Variants in PKHD1 observed in about 807,000 individuals in gnomAD.
The protein encoded by PKHD1 is fibrocystin.
PKHD1 carries 291 observed loss-of-function variants against 412.0 expected under a neutral mutation model. The observed-to-expected ratio is 0.71, with a 90% confidence interval of 0.64 to 0.78. PKHD1 has a LOEUF of 0.78. Ranked by LOEUF, PKHD1 falls within the 30% of genes least tolerant of loss-of-function variation. PKHD1 has a pLI of 0.00. For synonymous variants in PKHD1, 1,777 were observed against 1,821.5 expected (o/e 0.98, Z 0.62); for missense variants, 4,825 against 4,950.7 (o/e 0.97, Z 0.76).
chr6:51,700,461 C>G (rs1397745039), intron 60 of PKHD1, among the ~76,000 whole-genome samples: 1 of 151,940 alleles, frequency 6.6e-6, no homozygotes, highest in Non-Finnish European at 1.5e-5. Flanking sequence ...CTTATTAAGG[C>G]TCATTCTAGG....
In PKHD1 at chr6:51,959,995, C is replaced by G. The variant is rs1208103544; in HGVS notation, c.5783G>C (p.Trp1928Ser). 1 of 1,613,414 alleles carries G rather than the reference C, an allele frequency of 6.2e-7. No homozygotes were observed. The change falls in exon 36 of 67, where the codon TGG becomes TCG. Residue 1928 changes from tryptophan (W) to serine (S), a missense_variant. Transcript: ENST00000371117. ...AGGAAACCAGCTGTGAGTCCTGGAC[C>G]ATCTCCGGCAGAACTGTAAAGAAAA... ...GNFSLQFCRR[W>S]SRTHSWFPER...
At chr6:51,688,353 T>G (rs1777711837) in intron 60 of PKHD1, among the ~76,000 whole-genome samples, 1 of 152,054 alleles carries the variant, frequency 6.6e-6, no homozygotes, top group South Asian at 2.1e-4. Flanking sequence ...CTCTCAGGAC[T>G]TCAAAGTCAC....
intron 52 of PKHD1, among the ~76,000 whole-genome samples, chr6:51,805,142 T>C (rs1037356736): frequency 6.6e-5 from 10 of 152,140 alleles, no homozygotes; most frequent in African/African-American, 2.4e-4. Context: ...TGCCCATCAA[T>C]GGTGGATTGG....
At chr6:51,684,527 A>G (rs921101054) in intron 60 of PKHD1, among the ~76,000 whole-genome samples, 2 of 152,142 alleles carry the variant, frequency 1.3e-5, no homozygotes, top group Non-Finnish European at 2.9e-5. Flanking sequence ...TGTGACCTAC[A>G]CTACAGCTAC....
rs977377804 is a variant in PKHD1 at position 51,717,150 on chromosome 6, G to A, written c.10156+27235C>T. 5.3e-5 allele frequency among the ~76,000 whole-genome samples: 8 copies of A among 152,292 alleles called. No individual in the cohort carries two copies. In the East Asian group the frequency reaches 1.2e-3, roughly 22 times the overall value. On this transcript the variant is annotated intron_variant, in intron 60 of 66. Coordinates refer to ENST00000371117, the MANE Select transcript of PKHD1 (RefSeq NM_138694.4). The stretch of plus-strand genomic sequence containing the variant: ...TCAACAATGGACTCCAATGGCTCAC[G>A]CCTGTAATCCCAACATTTTGGGAGG...
chr6:51,874,506 T>A (rs935214802), intron 46 of PKHD1, among the ~76,000 whole-genome samples: 1 of 152,144 alleles, frequency 6.6e-6, no homozygotes, highest in Non-Finnish European at 1.5e-5. Flanking sequence ...AGGAAAAAAA[T>A]TCCTTCTGAT....
intron 60 of PKHD1, among the ~76,000 whole-genome samples, chr6:51,671,264 T>C (rs1182448126): frequency 1.3e-5 from 2 of 152,188 alleles, no homozygotes; most frequent in East Asian, 3.9e-4. Context: ...TTCTTTTTTC[T>C]CTAAACTTCC....
In PKHD1 at chr6:51,844,113, A is replaced by G. The variant is rs141968730; in HGVS notation, c.8107+3662T>C. ...CTTCTAGAGAAATAGTCTATCAGGA[A>G]AACGTTGGTGAAATAACATGGCACA... On this transcript the variant is annotated intron_variant, in intron 50 of 66. Coordinates refer to ENST00000371117, the MANE Select transcript of PKHD1 (RefSeq NM_138694.4). 1.3e-3 allele frequency among the ~76,000 whole-genome samples: 204 copies of G among 152,352 alleles called. 3 individuals carry two copies. The South Asian group carries it at 0.03, about 22-fold the overall frequency.
chr6:51,626,861 C>A (rs192505779), intron 66 of PKHD1, 136 bp downstream of exon 66: 13 of 864,166 alleles, frequency 1.5e-5, no homozygotes, highest in African/African-American at 1.3e-4. Flanking sequence ...GGTATAATTT[C>A]TTTGAAGGAA....
At chr6:52,054,525 C>T (rs1033302451) in intron 19 of PKHD1, among the ~76,000 whole-genome samples, 1 of 152,172 alleles carries the variant, frequency 6.6e-6, no homozygotes, top group African/African-American at 2.4e-5. Flanking sequence ...GAGCAAGTAA[C>T]TCAACCTCTC....
chr6:51,731,064 G>GT (rs1474039669), intron 60 of PKHD1, among the ~76,000 whole-genome samples: 3 of 152,044 alleles, frequency 2.0e-5, no homozygotes, highest in Admixed American at 2.0e-4. Context: ...GGTATTATAG[G>GT]TGTGCACCAC....
rs999346035 is a variant in PKHD1 at position 52,025,935 on chromosome 6, G to A, written c.3875C>T (p.Thr1292Ile). ...PSPSLVGKGF[T>I]FMYEAAATPV... Reference sequence around the variant, plus strand: ...TGTTGCTGCCGCTTCATACATGAAGGTGAAGCCTTTCCCCACCAAGCTTGG... The same window carrying A: ...TGTTGCTGCCGCTTCATACATGAAGATGAAGCCTTTCCCCACCAAGCTTGG... Residue 1292 changes from threonine (T) to isoleucine (I), a missense_variant, in exon 32 of 67, where the codon ACC becomes ATC. By Grantham distance (89) the Thr-to-Ile change is moderately conservative. Transcript: ENST00000371117. The A allele has an allele frequency of 1.2e-6, 2 of 1,614,012 alleles. No homozygotes were observed. The highest frequency in any genetic ancestry group is 1.3e-5 in the African/African-American group (1 of 74,910).
intron 60 of PKHD1, among the ~76,000 whole-genome samples, chr6:51,712,239 C>T (rs548701360): frequency 1.2e-4 from 19 of 152,074 alleles, no homozygotes; most frequent in Non-Finnish European, 2.5e-4. Context: ...CACACTGAAC[C>T]GTAACCACAT....
At chr6:51,707,699 A>G (rs1780176640) in intron 60 of PKHD1, among the ~76,000 whole-genome samples, 1 of 152,026 alleles carries the variant, frequency 6.6e-6, no homozygotes, top group Non-Finnish European at 1.5e-5. Flanking sequence ...CAGCCATGCC[A>G]CTTCTCTGAA....
intron 60 of PKHD1, among the ~76,000 whole-genome samples, chr6:51,719,746 G>A (rs749733738): frequency 1.4e-4 from 21 of 152,114 alleles, no homozygotes; most frequent in Non-Finnish European, 2.2e-4. Context: ...AAATGGCACT[G>A]CTTTCTAATA....
intron 48 of PKHD1, among the ~76,000 whole-genome samples, chr6:51,857,298 C>T (rs1280161148): frequency 3.9e-5 from 6 of 151,970 alleles, no homozygotes; most frequent in Non-Finnish European, 7.4e-5. Flanking sequence ...GGCATTTTGC[C>T]GCAGGCAGAT....
rs768329869 is a variant in PKHD1 at position 51,934,288 on chromosome 6, G to A, written c.5943C>T (p.Ile1981=). 14 of 1,612,794 alleles carry A rather than the reference G, an allele frequency of 8.7e-6. No individual in the cohort carries two copies. Among genetic ancestry groups the A allele is most frequent in the Non-Finnish European group, 8.5e-6 (10 of 1,179,788 alleles). ...GKLIFMAPGP[I]ELRAHAILVS... is the part of the protein sequence containing the mutation. The stretch of plus-strand genomic sequence containing the variant: ...CAAGGATGGCGTGTGCCCTGAGCTC[G>A]ATGGGTCCTGGGGCCATGAAAATCA... Residue 1981 remains isoleucine, a synonymous_variant, in exon 37 of 67, where the codon ATC becomes ATT. Coordinates refer to ENST00000371117, the MANE Select transcript of PKHD1 (RefSeq NM_138694.4).
At chr6:51,942,984 G>A (rs1483181462) in intron 36 of PKHD1, among the ~76,000 whole-genome samples, 2 of 151,432 alleles carry the variant, frequency 1.3e-5, no homozygotes, top group African/African-American at 4.8e-5. Flanking sequence ...ATACCTCTTG[G>A]TCTAGGTAGA....
chr6:51,821,940 G>A (rs1465054375), intron 52 of PKHD1, among the ~76,000 whole-genome samples: 1 of 152,204 alleles, frequency 6.6e-6, no homozygotes, highest in Non-Finnish European at 1.5e-5. Context: ...GCCTGCCTCG[G>A]ACTCCCAAAG....
Sources: allele counts gnomAD v4.1 joint callset (sites outside exome capture counted in the v4.1 genomes callset), GRCh38; gene constraint gnomAD v4.1.1; transcripts MANE v1.5; gene names NCBI Gene and HGNC (gene_info 2026-07-23, HGNC 2026-07-21).